PCDHGA12: variants seen among roughly 807,000 people sequenced by gnomAD.
The protein encoded by PCDHGA12 is protocadherin gamma-A12.
In PCDHGA12, 43 loss-of-function variants were observed where a neutral mutation model predicts 61.1. That is an observed-to-expected ratio of 0.70 (90% CI 0.55 to 0.91). The LOEUF is 0.91. PCDHGA12 is among the 40% of genes least tolerant of loss of function. PCDHGA12 has a pLI of 0.00. For missense variants in PCDHGA12, 1,236 were observed against 1,227.7 expected, an observed-to-expected ratio of 1.01 and a Z score of -0.10; for synonymous variants, 520 against 542.9, an observed-to-expected ratio of 0.96 and a Z score of 0.59.
rs1229623400 is a variant in PCDHGA12, at chr5:141,505,984, T to A, written c.2572+503T>A. 4.6e-5 allele frequency among the ~76,000 whole-genome samples: 7 copies of A among 152,198 alleles called. No homozygotes were observed. In the East Asian group the frequency reaches 1.4e-3, roughly 30 times the overall value. On this transcript the variant is annotated intron_variant, in intron 3 of 3. Coordinates refer to ENST00000252085, the MANE Select transcript of PCDHGA12 (RefSeq NM_003735.3). ...AGAAATCCCCAGCCGAGAGAACACC[T>A]CCTCTTTATGCGAGGCTCCTCTTTT...
rs758715682 is a variant in PCDHGA12, at chr5:141,490,062, C to T, written c.2425-4745C>T. The T allele has an allele frequency of 2.6e-5, 42 of 1,614,100 alleles. No individual in the cohort carries two copies. The highest frequency in any genetic ancestry group is 3.3e-5 in the South Asian group (3 of 91,086). On this transcript the variant is annotated intron_variant, in intron 1 of 3. Coordinates refer to ENST00000252085, the MANE Select transcript of PCDHGA12 (RefSeq NM_003735.3). The surrounding 1 kb of genome is among the most constrained non-coding windows in gnomAD (Gnocchi z 5.4). The stretch of plus-strand genomic sequence containing the variant: ...CCACTGATCCAGACGAGGGCACCAA[C>T]GGCCAACTAGACTATTCTTTTGGAG...
chr5:141,500,901 G>T (rs984072329), intron 2 of PCDHGA12, among the ~76,000 whole-genome samples: 1 of 144,582 alleles, frequency 6.9e-6, no homozygotes, highest in Non-Finnish European at 1.5e-5. Context: ...AGACAGTCTC[G>T]CTCTGTCTCC....
intron 1 of PCDHGA12, among the ~76,000 whole-genome samples, chr5:141,467,951 A>G (rs2099155044): frequency 6.6e-6 from 1 of 151,944 alleles, no homozygotes; most frequent in East Asian, 1.9e-4. Context: ...GAGCCACCAC[A>G]CCCGGCTGCC....
chr5:141,489,287 T>C lies in PCDHGA12; in HGVS notation c.2425-5520T>C. 1 of 1,573,410 alleles carries C rather than the reference T, an allele frequency of 6.4e-7. No individual in the cohort carries two copies. Among genetic ancestry groups the C allele is most frequent in the Non-Finnish European group, 8.6e-7 (1 of 1,159,858 alleles). ...CAGCTCGCTGGGAAATGGCAAGTGC[T>C]GTGCATGTTGTCCTTGTGCTGCTGG... On this transcript the variant is annotated intron_variant, in intron 1 of 3. Transcript: ENST00000252085. The surrounding 1 kb of genome is among the most constrained non-coding windows in gnomAD (Gnocchi z 4.5).
chr5:141,452,830 T>A (rs2098749929), intron 1 of PCDHGA12, among the ~76,000 whole-genome samples: 1 of 152,166 alleles, frequency 6.6e-6, no homozygotes, highest in South Asian at 2.1e-4. Context: ...CAAAATCACT[T>A]GGTCCAGCCC....
In PCDHGA12 at chr5:141,489,734, A is replaced by G; in HGVS notation, c.2425-5073A>G. The G allele has an allele frequency of 6.2e-7, 1 of 1,614,164 alleles. No individual in the cohort carries two copies. Among genetic ancestry groups the G allele is most frequent in the Non-Finnish European group, 8.5e-7 (1 of 1,180,028 alleles). On this transcript the variant is annotated intron_variant, in intron 1 of 3. Transcript: ENST00000252085. This position sits in a 1 kb window ranked among gnomAD's most constrained non-coding sequence, Gnocchi z 4.5. ...GCCCAGGATCCGGATGTGGGCACCAATACTGTGAGCTTTTACACTCTAAGC... is the reference window on the plus strand; with the variant it reads ...GCCCAGGATCCGGATGTGGGCACCAGTACTGTGAGCTTTTACACTCTAAGC...
chr5:141,454,644 G>T (rs183290309), intron 1 of PCDHGA12, among the ~76,000 whole-genome samples: 2 of 151,892 alleles, frequency 1.3e-5, no homozygotes, highest in South Asian at 2.1e-4. Flanking sequence ...AACCTCAGGT[G>T]ATCTGCCCAC....
At chr5:141,494,736 T>C in intron 1 of PCDHGA12, 71 bp from the exon 2 acceptor site, 1 of 1,611,858 alleles carries the variant, frequency 6.2e-7, no homozygotes, top group Non-Finnish European at 8.5e-7. Context: ...TCCCGGCCCA[T>C]CCCTAGGGGC....
At chr5:141,481,180 T>C (rs1354907506) in intron 1 of PCDHGA12, among the ~76,000 whole-genome samples, 1 of 152,236 alleles carries the variant, frequency 6.6e-6, no homozygotes, top group Admixed American at 6.5e-5. Flanking sequence ...CCAGCTTTAT[T>C]GGGCCAGGCC....
At chr5:141,439,202 A>AG (rs1348445707) in intron 1 of PCDHGA12, among the ~76,000 whole-genome samples, 2 of 151,954 alleles carry the variant, frequency 1.3e-5, no homozygotes, top group African/African-American at 4.8e-5. Context: ...AAAAAAAAAA[A>AG]AAATCCATAT....
At chr5:141,463,738 G>C (rs1002263384) in intron 1 of PCDHGA12, among the ~76,000 whole-genome samples, 1 of 151,978 alleles carries the variant, frequency 6.6e-6, no homozygotes, top group East Asian at 1.9e-4. Flanking sequence ...GAGCCACCGC[G>C]CCCGGCCTGC....
chr5:141,432,642 C>T lies in PCDHGA12; in HGVS notation c.1883C>T (p.Thr628Met), dbSNP rs746251093. 7.4e-6 allele frequency: 12 copies of T among 1,613,784 alleles called. No individual in the cohort carries two copies. The highest frequency in any genetic ancestry group is 2.7e-5 in the African/African-American group (2 of 75,056). ...SVGLHTGEVR[T>M]ARALLDRDAL... ...GGTCTGCACACGGGCGAGGTGCGCA[C>T]GGCGCGAGCCCTGCTGGACAGAGAC... The change falls in exon 1 of 4, where the codon ACG becomes ATG. Residue 628 changes from threonine to methionine, a missense_variant. Thr to Met is a moderately conservative substitution (Grantham distance 81, BLOSUM62 -1). Coordinates refer to ENST00000252085, the MANE Select transcript of PCDHGA12 (RefSeq NM_003735.3). This position sits in a 1 kb window ranked among gnomAD's most constrained non-coding sequence, Gnocchi z 6.0.
In PCDHGA12 at chr5:141,477,533, G is replaced by C. The variant is rs780541121; in HGVS notation, c.2425-17274G>C. On this transcript the variant is annotated intron_variant, in intron 1 of 3. Transcript: ENST00000252085. This position sits in a 1 kb window ranked among gnomAD's most constrained non-coding sequence, Gnocchi z 4.9. ...TTACATTGAAGAAAACAACCTCCCC[G>C]GGGCTCCAATACTAAACCTAAGTGT... The C allele has an allele frequency of 6.2e-7, 1 of 1,613,892 alleles. No individual in the cohort carries two copies. The highest frequency in any genetic ancestry group is 1.3e-5 in the African/African-American group (1 of 74,852).
intron 1 of PCDHGA12, chr5:141,468,556 GAT>G (rs754546771): frequency 6.6e-6 from 1 of 151,930 alleles, no homozygotes; most frequent in Non-Finnish European, 1.5e-5. Flanking sequence ...TAACATTTGT[GAT>G]ATAGTAAACA....
At position 141,491,679 on chromosome 5, in the gene PCDHGA12, T is replaced by C. The variant is rs111288145; in HGVS notation, c.2425-3128T>C. On this transcript the variant is annotated intron_variant, in intron 1 of 3. Coordinates refer to ENST00000252085, the MANE Select transcript of PCDHGA12 (RefSeq NM_003735.3). This position sits in a 1 kb window ranked among gnomAD's most constrained non-coding sequence, Gnocchi z 6.9. ...CTGACGCCATCCGGTCCCGCTCTAA[T>C]ACGCTGCGGGAGCGGAGCCAGGTGA... is the stretch of plus-strand genomic sequence containing the variant. 21 of 1,613,378 alleles carry C rather than the reference T, an allele frequency of 1.3e-5. No homozygotes were observed. Among genetic ancestry groups the C allele is most frequent in the Middle Eastern group, 1.6e-4 (1 of 6,078 alleles).
intron 1 of PCDHGA12, among the ~76,000 whole-genome samples, chr5:141,466,800 C>T (rs189985735): frequency 6.6e-6 from 1 of 152,240 alleles, no homozygotes; most frequent in East Asian, 1.9e-4. Context: ...AAACTAGATC[C>T]TATTCAGACA....
At chr5:141,472,000 C>T (rs935165645) in intron 1 of PCDHGA12, among the ~76,000 whole-genome samples, 3 of 151,852 alleles carry the variant, frequency 2.0e-5, no homozygotes, top group African/African-American at 4.8e-5. Flanking sequence ...ATCCCTGCAT[C>T]GTATAGGGGC....
At chr5:141,474,881 C>A (rs2099356099) in intron 1 of PCDHGA12, among the ~76,000 whole-genome samples, 1 of 152,244 alleles carries the variant, frequency 6.6e-6, no homozygotes, top group South Asian at 2.1e-4. Context: ...AGCAGGAACT[C>A]TTAGAGGTTC....
chr5:141,492,548 C>T (rs1028674110), intron 1 of PCDHGA12, among the ~76,000 whole-genome samples: 5 of 152,218 alleles, frequency 3.3e-5, no homozygotes, highest in African/African-American at 9.6e-5. Flanking sequence ...TGGGCCGGGT[C>T]GCCTGGGGGG....
Sources: gnomAD v4.1 joint callset for allele counts (sites outside exome capture counted in the v4.1 genomes callset) on GRCh38, gnomAD v4.1.1 for gene constraint, Gnocchi (gnomAD v3.1) non-coding constraint, MANE v1.5 for transcripts, NCBI Gene and HGNC (gene_info 2026-07-23, HGNC 2026-07-21) for gene names.